Variants in MAP3K7CL observed in about 807,000 individuals in gnomAD.
MAP3K7CL encodes MAP3K7 C-terminal-like protein.
Under a neutral mutation model 18.6 loss-of-function variants are expected in MAP3K7CL, and 16 were observed. The observed-to-expected ratio is 0.86, with a 90% CI of 0.58 to 1.31. MAP3K7CL has a LOEUF of 1.31. MAP3K7CL is among the 50% of genes most tolerant of loss of function. The probability of loss-of-function intolerance (pLI) is 0.00; values close to 1 mark genes in which losing one functional copy is unlikely to be tolerated. For missense variants in MAP3K7CL, 163 were observed against 174.4 expected (o/e 0.93, Z 0.37); for synonymous variants, 65 against 66.8 (o/e 0.97, Z 0.13).
intron 1 of MAP3K7CL, among the ~76,000 whole-genome samples, chr21:29,077,897 T>A (rs1374166018): frequency 2.6e-5 from 4 of 152,218 alleles, no homozygotes; most frequent in African/African-American, 9.7e-5. Context: ...GCCTCCAGCC[T>A]CCAGGAGAGC....
chr21:29,109,085 C>A (rs969986539), intron 4 of MAP3K7CL: 1 of 1,535,178 alleles, frequency 6.5e-7, no homozygotes, highest in Non-Finnish European at 8.7e-7. Flanking sequence ...AAACCTTGTT[C>A]ATCATTTCAT....
At chr21:29,171,797 A>C in intron 4 of MAP3K7CL, among the ~76,000 whole-genome samples, 1 of 111,436 alleles carries the variant, frequency 9.0e-6, no homozygotes, top group Non-Finnish European at 1.7e-5. Flanking sequence ...ACAGAGTGAG[A>C]CTCCATCTCA....
intron 1 of MAP3K7CL, among the ~76,000 whole-genome samples, chr21:29,090,592 G>T (rs532283112): frequency 6.6e-6 from 1 of 152,122 alleles, no homozygotes; most frequent in East Asian, 1.9e-4. Context: ...TGTTAGCCAG[G>T]ATGGTCTTGA....
chr21:29,165,708 A>C (rs926936989), intron 4 of MAP3K7CL, among the ~76,000 whole-genome samples: 1 of 152,144 alleles, frequency 6.6e-6, no homozygotes, highest in Non-Finnish European at 1.5e-5. Context: ...AGTAGCTGGG[A>C]TTACAGGTGT....
At chr21:29,123,140 G>A (rs2086626289) in intron 4 of MAP3K7CL, among the ~76,000 whole-genome samples, 1 of 139,750 alleles carries the variant, frequency 7.2e-6, no homozygotes, top group Admixed American at 8.1e-5. Context: ...TTGGCTCACT[G>A]CAACCTCTGC....
At chr21:29,091,461 A>C (rs768748833) in intron 1 of MAP3K7CL, 22 of 650,392 alleles carry the variant, frequency 3.4e-5, no homozygotes, top group Non-Finnish European at 4.9e-5. Flanking sequence ...CTGAGTGTAC[A>C]TTTTCTTTTC....
At position 29,089,927 on chromosome 21, in the gene MAP3K7CL, AAAG is replaced by A. The variant is rs1051453595; in HGVS notation, c.58-1570_58-1568del. ...AAAGGAAGGGAGTAAGGAGAATAAG[AAAG>A]AAGGAGGAAAGACAGGAAGGAGGGA... is the stretch of plus-strand genomic sequence containing the variant. On this transcript the variant is annotated intron_variant, in intron 1 of 6. Transcript: ENST00000286791. Among the ~76,000 whole-genome samples, 8 of 152,110 alleles carry A rather than the reference AAAG, an allele frequency of 5.3e-5. No homozygotes were observed. In the East Asian group the frequency reaches 9.6e-4, roughly 18 times the overall value.
chr21:29,141,480 T>A (rs777031290), intron 2 of MAP3K7CL, among the ~76,000 whole-genome samples: 3 of 148,642 alleles, frequency 2.0e-5, no homozygotes, highest in Non-Finnish European at 4.4e-5. Context: ...GTCACTGCAC[T>A]CCAGCCTGGG....
chr21:29,167,236 T>C (rs2087710266), intron 4 of MAP3K7CL, among the ~76,000 whole-genome samples: 1 of 152,254 alleles, frequency 6.6e-6, no homozygotes, highest in African/African-American at 2.4e-5. Flanking sequence ...GCCCATTTTT[T>C]AATTTGGTTG....
At chr21:29,088,934 G>A (rs2146492516) in intron 1 of MAP3K7CL, among the ~76,000 whole-genome samples, 1 of 152,210 alleles carries the variant, frequency 6.6e-6, no homozygotes, top group East Asian at 1.9e-4. Context: ...CACTTTGGGA[G>A]GCCGAGGTAG....
chr21:29,095,518 T>TA (rs1222126105), intron 4 of MAP3K7CL, among the ~76,000 whole-genome samples: 1 of 152,194 alleles, frequency 6.6e-6, no homozygotes, highest in African/African-American at 2.4e-5. Context: ...ACCTGATTGT[T>TA]ACTCTCAGTT....
At chr21:29,171,976 G>A (rs924149483) in intron 4 of MAP3K7CL, among the ~76,000 whole-genome samples, 2 of 147,870 alleles carry the variant, frequency 1.4e-5, no homozygotes, top group African/African-American at 4.9e-5. Context: ...GTATATATGT[G>A]TGTAAATACA....
At chr21:29,166,256 G>T (rs1171050282) in intron 4 of MAP3K7CL, among the ~76,000 whole-genome samples, 1 of 152,154 alleles carries the variant, frequency 6.6e-6, no homozygotes, top group Non-Finnish European at 1.5e-5. Context: ...TGATTGTGTG[G>T]TCTTTGTCCT....
chr21:29,163,352 T>TTA (rs144937981), intron 4 of MAP3K7CL, among the ~76,000 whole-genome samples: 12,799 of 152,194 alleles, frequency 0.084, 689 homozygotes, highest in Non-Finnish European at 0.13. Context: ...AATTCTTTCA[T>TTA]TATATATATA....
At chr21:29,106,691 C>T (rs2086328689) in intron 4 of MAP3K7CL, among the ~76,000 whole-genome samples, 1 of 152,134 alleles carries the variant, frequency 6.6e-6, no homozygotes, top group Admixed American at 6.5e-5. Context: ...GCCACTAGTC[C>T]CTCTCTAGCC....
At chr21:29,133,120 A>G (rs1010425354) in intron 1 of MAP3K7CL, among the ~76,000 whole-genome samples, 186 bp from the exon 2 acceptor site, 3 of 152,222 alleles carry the variant, frequency 2.0e-5, no homozygotes, top group Admixed American at 2.0e-4. Context: ...GAGCCAAGAA[A>G]AAAAGATTTA....
exon 1 of MAP3K7CL, chr21:29,085,912 C>G: frequency 6.2e-7 from 1 of 1,614,106 alleles, no homozygotes; most frequent in South Asian, 1.1e-5. Context: ...GGCAGCAGAT[C>G]TTAAGGTATG....
chr21:29,085,747 A>G (rs1438830603), upstream of MAP3K7CL: 1 of 968,154 alleles, frequency 1.0e-6, no homozygotes, highest in Admixed American at 1.8e-5. Context: ...CGGCATGGTT[A>G]GTATGTTGTT....
intron 1 of MAP3K7CL, chr21:29,086,021 T>A (rs1471143195): frequency 1.6e-6 from 2 of 1,271,870 alleles, no homozygotes; most frequent in South Asian, 1.2e-5. Context: ...CAGAGAGAAA[T>A]GGACCTTGGA....
Sources: gnomAD v4.1 joint callset for allele counts (sites outside exome capture counted in the v4.1 genomes callset) on GRCh38, gnomAD v4.1.1 for gene constraint, MANE v1.5 for transcripts, NCBI Gene and HGNC (gene_info 2026-07-23, HGNC 2026-07-21) for gene names.